The following ANO4 variants were observed in gnomAD, a reference collection of about 807,000 sequenced individuals.
ANO4 encodes anoctamin-4.
ANO4 carries 69 observed loss-of-function variants against 141.9 expected under a neutral mutation model. The observed-to-expected ratio is 0.49, with a 90% CI of 0.40 to 0.59. ANO4 has a LOEUF of 0.59. Among genes scored for constraint, ANO4 ranks in the 20% least tolerant of loss-of-function variants. The probability of loss-of-function intolerance (pLI) is 0.00; values close to 1 mark genes in which losing one functional copy is unlikely to be tolerated. For missense variants in ANO4, 894 were observed against 1,162.2 expected, an observed-to-expected ratio of 0.77 and a Z score of 3.36; for synonymous variants, 350 against 394.3, an observed-to-expected ratio of 0.89 and a Z score of 1.33.
chr12:100,912,714 G>C (rs2041168580), intron 2 of ANO4, among the ~76,000 whole-genome samples: 1 of 152,196 alleles, frequency 6.6e-6, no homozygotes, highest in South Asian at 2.1e-4. Flanking sequence ...AAGGAACCTG[G>C]CTGTTCTCTT....
chr12:101,006,507 C>G (rs2045878088), intron 8 of ANO4, among the ~76,000 whole-genome samples: 1 of 152,170 alleles, frequency 6.6e-6, no homozygotes, highest in Non-Finnish European at 1.5e-5. Flanking sequence ...GTGCATTTTG[C>G]AGAACGTTCA....
At chr12:100,940,215 GTTTCATT>G (rs2042455235) in intron 4 of ANO4, among the ~76,000 whole-genome samples, 1 of 135,850 alleles carries the variant, frequency 7.4e-6, no homozygotes. Flanking sequence ...TTTTCTGTTT[GTTTCATT>G]AAAAAAAAAC....
At chr12:101,116,567 C>G in intron 24 of ANO4, 112 bp from the exon 25 acceptor site, 1 of 1,462,412 alleles carries the variant, frequency 6.8e-7, no homozygotes, top group African/African-American at 1.4e-5. Flanking sequence ...CAAGGAAGGG[C>G]CAGTTAAAGG....
chr12:101,100,422 T>G (rs1184937809), intron 22 of ANO4, among the ~76,000 whole-genome samples: 1 of 152,200 alleles, frequency 6.6e-6, no homozygotes, highest in African/African-American at 2.4e-5. Context: ...AATTGATGCT[T>G]AATGTTTCTT....
intron 15 of ANO4, among the ~76,000 whole-genome samples, chr12:101,082,341 T>G (rs1162216277): frequency 6.6e-6 from 1 of 152,138 alleles, no homozygotes; most frequent in Non-Finnish European, 1.5e-5. Context: ...AACTGTCCAT[T>G]AACCCTCTTT....
chr12:101,019,972 C>G, intron 8 of ANO4, 62 bp from the exon 9 acceptor site: 3 of 1,399,266 alleles, frequency 2.1e-6, no homozygotes, highest in Non-Finnish European at 3.0e-6. Context: ...CAAATTATAA[C>G]AAAAATTAGA....
intron 1 of ANO4, among the ~76,000 whole-genome samples, chr12:100,896,547 C>G (rs890943983): frequency 6.6e-6 from 1 of 152,226 alleles, no homozygotes; most frequent in African/African-American, 2.4e-5. Flanking sequence ...GCCCTGCCGA[C>G]ACCATGGTGA....
intron 1 of ANO4, among the ~76,000 whole-genome samples, chr12:100,870,859 A>G: frequency 6.6e-6 from 1 of 152,174 alleles, no homozygotes; most frequent in Admixed American, 6.5e-5. Context: ...GTATAGGCTT[A>G]TTGGTTTTAA....
intron 3 of ANO4, among the ~76,000 whole-genome samples, chr12:100,769,145 G>A (rs2135547280): frequency 6.6e-6 from 1 of 152,220 alleles, no homozygotes; most frequent in East Asian, 1.9e-4. Context: ...TTTGTCACAG[G>A]AGGATTTTTG....
At chr12:100,981,472 G>A (rs529252127) in intron 7 of ANO4, among the ~76,000 whole-genome samples, 1 of 151,978 alleles carries the variant, frequency 6.6e-6, no homozygotes, top group East Asian at 1.9e-4. Context: ...GAAAGGAAGG[G>A]AGGGAGGGAG....
intron 1 of ANO4, among the ~76,000 whole-genome samples, chr12:100,719,557 A>T (rs1393623379): frequency 3.9e-5 from 6 of 152,002 alleles, no homozygotes; most frequent in African/African-American, 1.5e-4. Context: ...GGATGATCTA[A>T]ACTTTTTGCC....
chr12:100,812,479 T>G (rs1370436310), intron 1 of ANO4, among the ~76,000 whole-genome samples: 2 of 147,584 alleles, frequency 1.4e-5, no homozygotes, highest in African/African-American at 5.3e-5. Flanking sequence ...TGTATATATA[T>G]ATTACCTTAT....
intron 1 of ANO4, among the ~76,000 whole-genome samples, chr12:100,896,859 G>C (rs1403795227): frequency 6.6e-6 from 1 of 152,210 alleles, no homozygotes; most frequent in African/African-American, 2.4e-5. Context: ...AATGATGGCA[G>C]CTAACTTGTA....
intron 8 of ANO4, among the ~76,000 whole-genome samples, chr12:101,018,072 C>CATAG (rs532560042): frequency 3.9e-4 from 60 of 152,310 alleles, no homozygotes; most frequent in Non-Finnish European, 6.3e-4. Flanking sequence ...TCTTGTCAAG[C>CATAG]ATAGTTGTGC....
chr12:100,734,001 A>C lies in ANO4; in HGVS notation c.106+144A>C, dbSNP rs1487112317. ...TCAGAATCAGAGCAATTGCTTGTGG[A>C]CTCACTTTTCTGGATCGCCCTCTTG... On this transcript the variant is annotated intron_variant, in intron 2 of 29. Coordinates refer to the ANO4 transcript ENST00000644049. 56 of 568,998 alleles carry C rather than the reference A, an allele frequency of 9.8e-5. No homozygotes were observed. In the East Asian group the frequency reaches 1.6e-3, roughly 17 times the overall value. The allele number at this position is 568,998 out of a possible 1,614,324, so 35.2% of individuals were successfully genotyped here. A position where few individuals can be genotyped will look rare whatever the true frequency, so the allele number is the denominator to read the frequency against.
At chr12:101,072,774 G>GT in intron 14 of ANO4, among the ~76,000 whole-genome samples, 1 of 152,052 alleles carries the variant, frequency 6.6e-6, no homozygotes, top group Non-Finnish European at 1.5e-5. Context: ...AGTGGGCAAA[G>GT]GATATGAATA....
rs144425743 is a variant in ANO4, at chr12:101,055,229, G to A, written c.1312+6828G>A. ...GTGGCATTGCTGGATCATGTGATAA[G>A]TGAATGCCTAACTTAGTAAGAAATT... On this transcript the variant is annotated intron_variant, in intron 14 of 27. Transcript: ENST00000392977. 4.9e-3 allele frequency among the ~76,000 whole-genome samples: 739 copies of A among 152,336 alleles called. 7 individuals are homozygous for A. The highest frequency in any genetic ancestry group is 0.017 in the African/African-American group (709 of 41,582).
At chr12:100,969,687 C>A (rs1221118499) in intron 5 of ANO4, among the ~76,000 whole-genome samples, 1 of 149,780 alleles carries the variant, frequency 6.7e-6, no homozygotes, top group East Asian at 2.0e-4. Context: ...TGTGCAAAAA[C>A]AACAAGAAGA....
intron 1 of ANO4, among the ~76,000 whole-genome samples, chr12:100,796,063 G>A (rs1260949536): frequency 4.0e-5 from 6 of 149,474 alleles, no homozygotes; most frequent in Admixed American, 3.3e-4. Context: ...TTGGTAGCAG[G>A]TGTGTCGAAC....
Sources: allele counts gnomAD v4.1 joint callset (sites outside exome capture counted in the v4.1 genomes callset), GRCh38; gene constraint gnomAD v4.1.1; transcripts MANE v1.5; gene names NCBI Gene and HGNC (gene_info 2026-07-23, HGNC 2026-07-21).